Variants in CUX2 observed in about 807,000 individuals in gnomAD.
CUX2 encodes the protein homeobox protein cut-like 2.
A neutral mutation model predicts 144.8 loss-of-function variants in CUX2; 40 were observed. The ratio of observed to expected loss-of-function variants is 0.28; its 90% CI spans 0.21 to 0.36. The LOEUF is 0.36. Among genes scored for constraint, CUX2 ranks in the 10% least tolerant of loss-of-function variants. The pLI, the probability that CUX2 is intolerant of heterozygous loss-of-function variation, is 1.00. For synonymous variants in CUX2, 827 were observed against 875.6 expected (o/e 0.94, Z 0.98); for missense variants, 1,615 against 1,994.0 (o/e 0.81, Z 3.62).
chr12:111,170,545 C>CTTTT lies in CUX2; in HGVS notation c.64-43632_64-43629dup, dbSNP rs34282526. On this transcript the variant is annotated intron_variant, in intron 1 of 21. Transcript: ENST00000261726. The stretch of plus-strand genomic sequence containing the variant: ...AGCTGGATGCACACCCCCAGCTCTT[C>CTTTT]TTTTTTTTTTTTTTTTTTTTTTTTT... Among the ~76,000 whole-genome samples, 90 of 79,950 alleles carry CTTTT rather than the reference C, an allele frequency of 1.1e-3. 8 individuals carry two copies. Among genetic ancestry groups the CTTTT allele is most frequent in the African/African-American group, 4.6e-3 (79 of 17,152 alleles). 52.5% of individuals were successfully genotyped at this position (79,950 alleles called of 152,430 possible).
intron 1 of CUX2, among the ~76,000 whole-genome samples, chr12:111,185,902 T>C (rs1212790327): frequency 6.6e-6 from 1 of 151,324 alleles, no homozygotes; most frequent in African/African-American, 2.4e-5. Flanking sequence ...TCATTCTCCC[T>C]CTCTCTCTCA....
At chr12:111,217,254 A>G (rs1353873063) in intron 2 of CUX2, among the ~76,000 whole-genome samples, 2 of 152,196 alleles carry the variant, frequency 1.3e-5, no homozygotes, top group Non-Finnish European at 2.9e-5. Context: ...TTCCTCAGAC[A>G]TTTGCAGAGC....
rs559485631 is a variant in CUX2 at position 111,061,689 on chromosome 12, C to T, written c.63+27449C>T. ...TCTTTCGGACAAGCGTTTTACCTGC[C>T]CGATGTTCTGTGAAGTGAGTGGGTC... On this transcript the variant is annotated intron_variant, in intron 1 of 21. Transcript: ENST00000261726. The surrounding 1 kb of genome is among the most constrained non-coding windows in gnomAD (Gnocchi z 4.2). 1.3e-5 allele frequency among the ~76,000 whole-genome samples: 2 copies of T among 152,268 alleles called. No homozygotes were observed. The highest frequency in any genetic ancestry group is 1.9e-4 in the East Asian group (1 of 5,174).
intron 3 of CUX2, among the ~76,000 whole-genome samples, chr12:111,261,047 C>T (rs1438588103): frequency 1.3e-5 from 2 of 152,208 alleles, no homozygotes; most frequent in African/African-American, 2.4e-5. Context: ...AAGGCAGCGG[C>T]ATCCTCATGG....
chr12:111,321,042 G>A (rs377720139), intron 17 of CUX2, among the ~76,000 whole-genome samples: 50 of 152,278 alleles, frequency 3.3e-4, no homozygotes, highest in Middle Eastern at 3.4e-3. Flanking sequence ...GCCACTAAAG[G>A]GTTAAGTGGC....
intron 1 of CUX2, 77 bp from the exon 2 acceptor site, chr12:111,214,122 GT>G: frequency 4.7e-6 from 4 of 854,016 alleles, no homozygotes; most frequent in Non-Finnish European, 7.1e-6. Context: ...GTTTTGTACA[GT>G]GGTTAAAAAG....
At chr12:111,336,460 T>TGTGTG (rs1490518484) in intron 19 of CUX2, among the ~76,000 whole-genome samples, 1 of 130,748 alleles carries the variant, frequency 7.6e-6, no homozygotes, top group African/African-American at 3.1e-5. Flanking sequence ...GTGTGTGTGT[T>TGTGTG]TAAGATGGAG....
Position 111,338,942 on chromosome 12 carries a change from C to G in CUX2, c.3385+468C>G, listed in dbSNP as rs79433771. Among the ~76,000 whole-genome samples, 13 of 152,150 alleles carry G rather than the reference C, an allele frequency of 8.5e-5. No homozygotes were observed. In the East Asian group the frequency reaches 1.9e-3, roughly 23 times the overall value. Reference sequence around the variant, plus strand: ...TATTTACTACCTCTCCCATGAAAAGCCAATACTCTGCCAGGTGCAGTGGCT... The same window carrying G: ...TATTTACTACCTCTCCCATGAAAAGGCAATACTCTGCCAGGTGCAGTGGCT... On this transcript the variant is annotated intron_variant, in intron 20 of 21. Coordinates refer to ENST00000261726, the MANE Select transcript of CUX2 (RefSeq NM_015267.4).
At chr12:111,233,121 C>A (rs1486050280) in intron 3 of CUX2, among the ~76,000 whole-genome samples, 9 of 152,240 alleles carry the variant, frequency 5.9e-5, no homozygotes, top group Non-Finnish European at 1.3e-4. Context: ...GTACAAATGC[C>A]CCAAGGCAGG....
intron 1 of CUX2, among the ~76,000 whole-genome samples, chr12:111,094,861 C>T (rs1210143257): frequency 6.6e-6 from 1 of 152,194 alleles, no homozygotes; most frequent in African/African-American, 2.4e-5. Context: ...CTGTCTTGCT[C>T]ATTGTGCCGG....
At chr12:111,265,717 GA>G (rs901429541) in intron 4 of CUX2, among the ~76,000 whole-genome samples, 5 of 152,104 alleles carry the variant, frequency 3.3e-5, no homozygotes, top group African/African-American at 1.2e-4. Context: ...GGAGCCCAAA[GA>G]GTTGAAATGA....
chr12:111,161,933 C>T (rs996122206), intron 1 of CUX2, among the ~76,000 whole-genome samples: 4 of 152,146 alleles, frequency 2.6e-5, no homozygotes, highest in African/African-American at 9.7e-5. Context: ...ACAGGGTATC[C>T]CCATGTTGCC....
chr12:111,312,083 C>T lies in CUX2; in HGVS notation c.1901-17C>T, dbSNP rs761574881. The stretch of plus-strand genomic sequence containing the variant: ...CAACATGCAGATCCTGCCACAGATG[C>T]CTTCTTGCCTCCCCAGGCAGCATCA... On this transcript the variant is annotated splice_polypyrimidine_tract_variant and intron_variant, in intron 15 of 21. Transcript: ENST00000261726. The surrounding 1 kb of genome is among the most constrained non-coding windows in gnomAD (Gnocchi z 4.3). 1.9e-6 allele frequency: 3 copies of T among 1,601,044 alleles called. No individual in the cohort carries two copies. The highest frequency in any genetic ancestry group is 1.7e-5 in the Admixed American group (1 of 59,082).
intron 1 of CUX2, among the ~76,000 whole-genome samples, chr12:111,213,397 A>T (rs924059584): frequency 7.9e-5 from 12 of 152,152 alleles, no homozygotes; most frequent in Admixed American, 5.2e-4. Context: ...ACCAGCAGAC[A>T]TTGTCTGTGA....
At chr12:111,055,428 C>T (rs115948555) in intron 1 of CUX2, among the ~76,000 whole-genome samples, 4,241 of 152,338 alleles carry the variant, frequency 0.028, 210 homozygotes, top group African/African-American at 0.097. Flanking sequence ...CCCCGGCCCT[C>T]GGAGGATATC....
chr12:111,299,792 TCTC>T (rs1235623673), intron 9 of CUX2, among the ~76,000 whole-genome samples: 1 of 152,156 alleles, frequency 6.6e-6, no homozygotes, highest in Non-Finnish European at 1.5e-5. Flanking sequence ...TCCTCCGAGT[TCTC>T]CTCCCCTGCA....
At chr12:111,202,644 C>T (rs567414165) in intron 1 of CUX2, among the ~76,000 whole-genome samples, 52 of 152,290 alleles carry the variant, frequency 3.4e-4, no homozygotes, top group African/African-American at 1.2e-3. Context: ...GTGACCCAAA[C>T]GGACAAAGTC....
chr12:111,177,335 G>T (rs993716774), intron 1 of CUX2, among the ~76,000 whole-genome samples: 2 of 151,938 alleles, frequency 1.3e-5, no homozygotes, highest in African/African-American at 2.4e-5. Context: ...CAAAAGACAG[G>T]TACCACCGGG....
At chr12:111,097,639 G>C (rs983012570) in intron 1 of CUX2, among the ~76,000 whole-genome samples, 3 of 152,150 alleles carry the variant, frequency 2.0e-5, no homozygotes, top group African/African-American at 7.2e-5. Flanking sequence ...GGTCACTGGC[G>C]TGAGCAGACC....
Sources: gnomAD v4.1 joint callset for allele counts (sites outside exome capture counted in the v4.1 genomes callset) on GRCh38, gnomAD v4.1.1 for gene constraint, Gnocchi (gnomAD v3.1) non-coding constraint, MANE v1.5 for transcripts, NCBI Gene and HGNC (gene_info 2026-07-23, HGNC 2026-07-21) for gene names.